The following LRRFIP1 variants were observed in gnomAD, a reference collection of about 807,000 sequenced individuals.
LRRFIP1 encodes LRR binding FLII interacting protein 1, also known as leucine-rich repeat flightless-interacting protein 1.
A neutral mutation model predicts 104.4 loss-of-function variants in LRRFIP1; 62 were observed. The observed-to-expected ratio is 0.59, with a 90% CI of 0.48 to 0.73. LRRFIP1 has a LOEUF of 0.73. LRRFIP1 is among the 30% of genes least tolerant of loss of function. LRRFIP1 has a pLI of 0.00. For synonymous variants in LRRFIP1, 300 were observed against 299.0 expected, an observed-to-expected ratio of 1.00 and a Z score of -0.03; for missense variants, 796 against 824.5, an observed-to-expected ratio of 0.97 and a Z score of 0.42.
chr2:237,726,413 C>T (rs896092536), intron 7 of LRRFIP1, among the ~76,000 whole-genome samples: 14 of 152,156 alleles, frequency 9.2e-5, no homozygotes, highest in Non-Finnish European at 1.6e-4. Flanking sequence ...ACCCGTCCCC[C>T]GGATAAGGAA....
chr2:237,708,432 G>A, intron 1 of LRRFIP1, 112 bp from the exon 2 acceptor site: 1 of 725,562 alleles, frequency 1.4e-6, no homozygotes, highest in Non-Finnish European at 2.3e-6. Context: ...ATTTATTGCT[G>A]TATATCTGTT....
intron 1 of LRRFIP1, among the ~76,000 whole-genome samples, chr2:237,655,080 C>T (rs1377030348): frequency 3.3e-5 from 4 of 122,436 alleles, no homozygotes; most frequent in African/African-American, 8.7e-5. Flanking sequence ...CACAGAAAGA[C>T]GAATACCACG....
At chr2:237,729,171 C>T (rs1219314481) in intron 8 of LRRFIP1, among the ~76,000 whole-genome samples, 8 of 152,350 alleles carry the variant, frequency 5.3e-5, no homozygotes, top group African/African-American at 1.2e-4. Flanking sequence ...AGGTGATCTG[C>T]GCACCTCGGC....
chr2:237,780,313 TCAG>T lies in LRRFIP1; in HGVS notation c.*784_*786del, dbSNP rs2061405077. ...ATTAAAAATGAAATGTTGAGAGACTTCAGCAATGTGGTTCTAATTTTTTTCCAC... is the reference window on the plus strand; with the variant it reads ...ATTAAAAATGAAATGTTGAGAGACTTCAATGTGGTTCTAATTTTTTTCCAC... On this transcript the variant is annotated 3_prime_UTR_variant, in exon 24 of 24. Transcript: ENST00000308482. 6.6e-6 allele frequency: 1 copy of T among 152,254 alleles called. No homozygotes were observed. The highest frequency in any genetic ancestry group is 1.5e-5 in the Non-Finnish European group (1 of 68,048). The allele number at this position is 152,254 out of a possible 1,614,324, so 9.4% of individuals were successfully genotyped here. A position where few individuals can be genotyped will look rare whatever the true frequency, so the allele number is the denominator to read the frequency against.
chr2:237,753,945 C>T (rs2058966398), intron 15 of LRRFIP1, among the ~76,000 whole-genome samples: 1 of 151,866 alleles, frequency 6.6e-6, no homozygotes, highest in South Asian at 2.1e-4. Context: ...CTCCGCTTAT[C>T]CAGGAAATCC....
chr2:237,730,140 G>A (rs1004561271), intron 8 of LRRFIP1, among the ~76,000 whole-genome samples: 5 of 152,054 alleles, frequency 3.3e-5, no homozygotes, highest in Non-Finnish European at 4.4e-5. Flanking sequence ...TTAATCAAAA[G>A]GAAAAAAATA....
At chr2:237,655,855 G>T (rs1409695727) in intron 1 of LRRFIP1, among the ~76,000 whole-genome samples, 1 of 152,186 alleles carries the variant, frequency 6.6e-6, no homozygotes, top group Non-Finnish European at 1.5e-5. Flanking sequence ...GAGAAATACT[G>T]CTTTATTTCT....
Position 237,779,549 on chromosome 2 carries a change from G to T in LRRFIP1, c.*17G>T. The T allele has an allele frequency of 6.3e-7, 1 of 1,599,004 alleles. No homozygotes were observed. ...CAGCAGTAAATTCCAGCTCTGATCAGGCAACTGGTTGGTGACTGGAGAGCA... is the reference window on the plus strand; with the variant it reads ...CAGCAGTAAATTCCAGCTCTGATCATGCAACTGGTTGGTGACTGGAGAGCA... On this transcript the variant is annotated 3_prime_UTR_variant, in exon 24 of 24. Coordinates refer to ENST00000308482, the MANE Select transcript of LRRFIP1 (RefSeq NM_001137550.2).
chr2:237,701,335 G>A (rs1575603881), intron 1 of LRRFIP1, among the ~76,000 whole-genome samples: 1 of 152,222 alleles, frequency 6.6e-6, no homozygotes, highest in Non-Finnish European at 1.5e-5. Flanking sequence ...TTGGGGTTCA[G>A]GGTGTTGGGC....
intron 5 of LRRFIP1, 151 bp downstream of exon 5, chr2:237,719,718 A>G: frequency 1.8e-6 from 1 of 545,960 alleles, no homozygotes; most frequent in Non-Finnish European, 3.2e-6. Flanking sequence ...TAGAATACTG[A>G]TATTATTACC....
intron 1 of LRRFIP1, among the ~76,000 whole-genome samples, chr2:237,645,766 C>T (rs1283195579): frequency 6.6e-6 from 1 of 151,862 alleles, no homozygotes; most frequent in Non-Finnish European, 1.5e-5. Context: ...CAAGGGTGAG[C>T]AATGGAATGT....
At chr2:237,762,030 A>G (rs3769054) in intron 19 of LRRFIP1, among the ~76,000 whole-genome samples, 18,195 of 152,218 alleles carry the variant, frequency 0.12, 2,146 homozygotes, top group African/African-American at 0.3. Context: ...GGAAAACAAT[A>G]GTTGAGTGGC....
rs896876739 is a variant in LRRFIP1, at chr2:237,772,431, T to A, written c.1627+233T>A. On this transcript the variant is annotated intron_variant, in intron 21 of 23. Transcript: ENST00000308482. Reference sequence around the variant, plus strand: ...AAACGTGCACCAAGATACCACCACATGTTGTGCCGATGGAAACCACATTTA... The same window carrying A: ...AAACGTGCACCAAGATACCACCACAAGTTGTGCCGATGGAAACCACATTTA... 2.6e-5 allele frequency: 13 copies of A among 498,512 alleles called. No homozygotes were observed. In the Admixed American group the frequency reaches 4.5e-4, roughly 17 times the overall value. The allele number at this position is 498,512 out of a possible 1,614,324, so 30.9% of individuals were successfully genotyped here.
At position 237,697,982 on chromosome 2, in the gene LRRFIP1, C is replaced by T. The variant is rs922363455; in HGVS notation, c.97-10562C>T. On this transcript the variant is annotated intron_variant, in intron 1 of 23. Transcript: ENST00000308482. Reference sequence around the variant, plus strand: ...CACTTGCATGGAAGATACTGTATAGCGTATTTATTTCTTAGCGCCAGTGGG... The same window carrying T: ...CACTTGCATGGAAGATACTGTATAGTGTATTTATTTCTTAGCGCCAGTGGG... 3.9e-5 allele frequency among the ~76,000 whole-genome samples: 6 copies of T among 152,286 alleles called. No individual in the cohort carries two copies. In the East Asian group the frequency reaches 9.6e-4, roughly 24 times the overall value.
intron 1 of LRRFIP1, among the ~76,000 whole-genome samples, chr2:237,687,603 C>CAAAAA (rs58549867): frequency 4.3e-4 from 35 of 81,092 alleles, no homozygotes; most frequent in African/African-American, 1.5e-3. Context: ...GACTCCATCT[C>CAAAAA]AAAAAAAAAA....
intron 1 of LRRFIP1, among the ~76,000 whole-genome samples, chr2:237,631,752 T>G (rs760708249): frequency 6.6e-6 from 1 of 152,240 alleles, no homozygotes; most frequent in Non-Finnish European, 1.5e-5. Context: ...TTCAAAGTAT[T>G]GCTCTCAAAT....
chr2:237,674,683 G>A (rs1014696140), intron 1 of LRRFIP1, among the ~76,000 whole-genome samples: 4 of 152,202 alleles, frequency 2.6e-5, no homozygotes, highest in African/African-American at 9.7e-5. Flanking sequence ...AAACTGAATA[G>A]GAATAAAAGG....
At chr2:237,635,780 T>G (rs1357447742) in intron 1 of LRRFIP1, among the ~76,000 whole-genome samples, 1 of 151,996 alleles carries the variant, frequency 6.6e-6, no homozygotes, top group Non-Finnish European at 1.5e-5. Flanking sequence ...GGCAACATAG[T>G]GAGACCCCCA....
intron 1 of LRRFIP1, among the ~76,000 whole-genome samples, chr2:237,628,481 T>G (rs2149216190): frequency 6.6e-6 from 1 of 152,188 alleles, no homozygotes; most frequent in East Asian, 1.9e-4. Context: ...GGCTAAAGAA[T>G]GTACATGACA....
Sources: gnomAD v4.1 joint callset for allele counts (sites outside exome capture counted in the v4.1 genomes callset) on GRCh38, gnomAD v4.1.1 for gene constraint, MANE v1.5 for transcripts, NCBI Gene and HGNC (gene_info 2026-07-23, HGNC 2026-07-21) for gene names.